Variants in CDC25C observed in about 807,000 individuals in gnomAD.
CDC25C encodes cell division cycle 25C.
CDC25C carries 48 observed loss-of-function variants against 52.5 expected under a neutral mutation model. The ratio of observed to expected loss-of-function variants is 0.91; its 90% CI spans 0.72 to 1.16. The LOEUF (loss-of-function observed/expected upper bound fraction) is 1.16. CDC25C is among the 50% of genes most tolerant of loss of function. The pLI, the probability that CDC25C is intolerant of heterozygous loss-of-function variation, is 0.00. For missense variants in CDC25C, 510 were observed against 566.1 expected, an observed-to-expected ratio of 0.90 and a Z score of 1.01; for synonymous variants, 187 against 206.5, an observed-to-expected ratio of 0.91 and a Z score of 0.81.
At chr5:138,324,983 T>C (rs2126819375) in intron 6 of CDC25C, among the ~76,000 whole-genome samples, 1 of 151,928 alleles carries the variant, frequency 6.6e-6, no homozygotes, top group South Asian at 2.1e-4. Context: ...GGAACAAGAA[T>C]CACTTGAACC....
chr5:138,292,502 A>C (rs1453017906), intron 7 of CDC25C, among the ~76,000 whole-genome samples: 1 of 151,702 alleles, frequency 6.6e-6, no homozygotes, highest in African/African-American at 2.4e-5. Flanking sequence ...AAAAAAAAAA[A>C]ACATAAGTCC....
At chr5:138,326,952 CA>C (rs1208599313) in intron 4 of CDC25C, among the ~76,000 whole-genome samples, 17,773 of 61,220 alleles carry the variant, frequency 0.29, 1,136 homozygotes, top group South Asian at 0.4. Context: ...AACTCCGTCT[CA>C]AAAAAAAAAA....
chr5:138,328,388 A>C, intron 4 of CDC25C, 96 bp downstream of exon 4: 1 of 1,116,272 alleles, frequency 9.0e-7, no homozygotes, highest in Admixed American at 1.9e-5. Flanking sequence ...ACCCAGTATG[A>C]AAGGTTTTGT....
At chr5:138,313,271 C>A (rs150691696) in intron 7 of CDC25C, among the ~76,000 whole-genome samples, 1 of 148,988 alleles carries the variant, frequency 6.7e-6, no homozygotes, top group East Asian at 2.1e-4. Context: ...CCCAGCTACG[C>A]GGGAGGCTGA....
At chr5:138,325,711 C>G in intron 6 of CDC25C, 104 bp downstream of exon 6, 1 of 777,598 alleles carries the variant, frequency 1.3e-6, no homozygotes. Context: ...GTTTCCTTGT[C>G]TAGCATACGA....
chr5:138,290,914 C>G (rs1756655389), intron 8 of CDC25C, among the ~76,000 whole-genome samples, 174 bp from the exon 9 acceptor site: 1 of 152,008 alleles, frequency 6.6e-6, no homozygotes, highest in Non-Finnish European at 1.5e-5. Flanking sequence ...ACGATTGCAC[C>G]ACTGCACTCC....
chr5:138,298,643 A>G (rs1457723416), intron 7 of CDC25C, among the ~76,000 whole-genome samples: 3 of 151,730 alleles, frequency 2.0e-5, no homozygotes. Context: ...CCAGCTATTC[A>G]GGAGGCTGAG....
At chr5:138,300,210 G>C (rs1757530859) in intron 7 of CDC25C, among the ~76,000 whole-genome samples, 1 of 152,106 alleles carries the variant, frequency 6.6e-6, no homozygotes, top group Non-Finnish European at 1.5e-5. Context: ...GACCAGGTAG[G>C]ATGTATCCCA....
intron 7 of CDC25C, among the ~76,000 whole-genome samples, chr5:138,296,674 C>T (rs1757214186): frequency 6.7e-6 from 1 of 150,336 alleles, no homozygotes; most frequent in South Asian, 2.1e-4. Context: ...GGCGCGATCT[C>T]GGCTCCCTGC....
At chr5:138,330,450 T>C (rs1760272259) in intron 2 of CDC25C, among the ~76,000 whole-genome samples, 2 of 152,346 alleles carry the variant, frequency 1.3e-5, no homozygotes, top group South Asian at 4.1e-4. Flanking sequence ...TTCCCAGTTA[T>C]CACATCATTT....
rs1330691619 is a variant in CDC25C, at chr5:138,292,004, T to C, written c.728A>G (p.Lys243Arg). Residue 243 changes from lysine to arginine, a missense_variant, in exon 8 of 14, where the codon AAA becomes AGA. Transcript: ENST00000323760. ...CTTTCCTTGGCCAGAAAAATACTTT[T>C]TTTTAACTTTATCTGGTATTGTGTT... ...KDNTIPDKVK[K>R]KYFSGQGKLR... The C allele has an allele frequency of 1.2e-6, 2 of 1,610,524 alleles. No homozygotes were observed. The highest frequency in any genetic ancestry group is 1.1e-5 in the South Asian group (1 of 90,418).
At chr5:138,330,697 C>T (rs1389174518) in intron 2 of CDC25C, among the ~76,000 whole-genome samples, 4 of 152,118 alleles carry the variant, frequency 2.6e-5, no homozygotes, top group Admixed American at 6.5e-5. Context: ...TTTGTAGAGA[C>T]GGCGTCTTGC....
chr5:138,336,257 C>T (rs781779434), upstream of CDC25C, among the ~76,000 whole-genome samples: 2 of 151,954 alleles, frequency 1.3e-5, no homozygotes, highest in African/African-American at 2.4e-5. Flanking sequence ...CTCAGCCTCC[C>T]GAGTAGCTGG....
chr5:138,319,090 G>A (rs1759135154), intron 7 of CDC25C, 129 bp downstream of exon 7: 2 of 732,318 alleles, frequency 2.7e-6, no homozygotes, highest in Admixed American at 2.7e-5. Context: ...TTCTGGCTAT[G>A]AGGGTTGCTG....
chr5:138,305,265 C>T (rs765223346), intron 7 of CDC25C, among the ~76,000 whole-genome samples: 1 of 152,198 alleles, frequency 6.6e-6, no homozygotes, highest in East Asian at 1.9e-4. Flanking sequence ...GTTCATCACC[C>T]GATTCTTAAC....
At chr5:138,337,471 TCC>T (rs879834262) in intron 1 of CDC25C, 1 of 155,984 alleles carries the variant, frequency 6.4e-6, no homozygotes, top group African/African-American at 2.4e-5. Context: ...TCCCCGCACC[TCC>T]CCCCAGGCAA....
chr5:138,294,483 C>A (rs1015284518), intron 7 of CDC25C, among the ~76,000 whole-genome samples: 1 of 148,274 alleles, frequency 6.7e-6, no homozygotes, highest in African/African-American at 2.5e-5. Flanking sequence ...AGCCACCGTG[C>A]CCAACCACTC....
At chr5:138,291,113 G>A (rs1756672856) in intron 8 of CDC25C, among the ~76,000 whole-genome samples, 1 of 151,880 alleles carries the variant, frequency 6.6e-6, no homozygotes, top group Non-Finnish European at 1.5e-5. Flanking sequence ...AAAGATTTTA[G>A]AATTTTAATT....
Position 138,285,381 on chromosome 5 carries a change from A to G in CDC25C, c.*311T>C, listed in dbSNP as rs1468405869. 2 of 293,830 alleles carry G rather than the reference A, an allele frequency of 6.8e-6. No individual in the cohort carries two copies. Among genetic ancestry groups the G allele is most frequent in the Non-Finnish European group, 1.3e-5 (2 of 158,418 alleles). 18.2% of individuals were successfully genotyped at this position (293,830 alleles called of 1,614,324 possible). On this transcript the variant is annotated 3_prime_UTR_variant, in exon 14 of 14. Transcript: ENST00000323760. ...CGCTCTTGCATAGCCCGAAGCCCAG[A>G]GAGAAAGAGTTGGCTGGCTTGTGAG...
Sources: allele counts gnomAD v4.1 joint callset (sites outside exome capture counted in the v4.1 genomes callset), GRCh38; gene constraint gnomAD v4.1.1; transcripts MANE v1.5; gene names NCBI Gene and HGNC (gene_info 2026-07-23, HGNC 2026-07-21).